Variants in USP37 observed in about 807,000 individuals in gnomAD.
USP37 encodes ubiquitin carboxyl-terminal hydrolase 37.
USP37 carries 27 observed loss-of-function variants against 124.0 expected under a neutral mutation model. The ratio of observed to expected loss-of-function variants is 0.22; its 90% CI spans 0.16 to 0.30. The LOEUF is 0.30. Among genes scored for constraint, USP37 ranks in the 10% least tolerant of loss-of-function variants. USP37 has a pLI of 1.00. For missense variants in USP37, 889 were observed against 1,140.4 expected (o/e 0.78, Z 3.17); for synonymous variants, 365 against 388.0 (o/e 0.94, Z 0.70).
At chr2:218,532,620 T>C (rs1452508119) in intron 9 of USP37, among the ~76,000 whole-genome samples, 1 of 152,082 alleles carries the variant, frequency 6.6e-6, no homozygotes. Context: ...AGCATTTTTT[T>C]GCAATAAACT....
chr2:218,464,606 C>A (rs1428957102), intron 21 of USP37, among the ~76,000 whole-genome samples: 4 of 152,162 alleles, frequency 2.6e-5, no homozygotes, highest in Non-Finnish European at 4.4e-5. Flanking sequence ...CCTACCCATT[C>A]ATTCTAGGGA....
chr2:218,509,122 A>C (rs1689841922), intron 11 of USP37, among the ~76,000 whole-genome samples: 1 of 152,220 alleles, frequency 6.6e-6, no homozygotes, highest in African/African-American at 2.4e-5. Context: ...ATTTGGAAAA[A>C]AGAGAAACCT....
At chr2:218,543,644 C>G (rs1443637236) in intron 8 of USP37, among the ~76,000 whole-genome samples, 1 of 151,380 alleles carries the variant, frequency 6.6e-6, no homozygotes, top group East Asian at 1.9e-4. Flanking sequence ...AACCCTGTCT[C>G]TACTAAAAAT....
intron 4 of USP37, among the ~76,000 whole-genome samples, chr2:218,557,453 C>T (rs973142191): frequency 1.4e-4 from 22 of 151,782 alleles, no homozygotes; most frequent in African/African-American, 4.4e-4. Flanking sequence ...CCATCACCAC[C>T]TCTATCTTAT....
intron 10 of USP37, among the ~76,000 whole-genome samples, chr2:218,511,854 G>T (rs1690019676): frequency 6.7e-6 from 1 of 149,892 alleles, no homozygotes; most frequent in African/African-American, 2.5e-5. Flanking sequence ...TTTTGTTTAA[G>T]AAATCATCTT....
intron 13 of USP37, 57 bp from the exon 14 acceptor site, chr2:218,496,007 A>G (rs1574883296): frequency 9.1e-6 from 14 of 1,530,226 alleles, no homozygotes; most frequent in Non-Finnish European, 1.1e-5. Context: ...ACAATAGCTT[A>G]CTGAGGCTGG....
chr2:218,545,484 C>T (rs1463425877), intron 8 of USP37, among the ~76,000 whole-genome samples: 3 of 152,134 alleles, frequency 2.0e-5, no homozygotes, highest in Admixed American at 6.5e-5. Context: ...AGATACCAGT[C>T]CTACCACCTA....
chr2:218,558,404 G>T (rs867969620), intron 4 of USP37, 94 bp downstream of exon 4: 1 of 1,090,990 alleles, frequency 9.2e-7, no homozygotes, highest in African/African-American at 1.6e-5. Flanking sequence ...ATTAATCTAG[G>T]AGGAGGGCTA....
intron 10 of USP37, among the ~76,000 whole-genome samples, chr2:218,515,842 A>G (rs1224560880): frequency 1.3e-5 from 2 of 152,246 alleles, no homozygotes; most frequent in Non-Finnish European, 2.9e-5. Context: ...ACAAATTTAC[A>G]AGAAAAACCA....
chr2:218,482,599 C>T (rs1182002396), intron 16 of USP37, among the ~76,000 whole-genome samples: 3 of 152,076 alleles, frequency 2.0e-5, no homozygotes, highest in African/African-American at 7.2e-5. Flanking sequence ...TTTATATAAC[C>T]ACTACTAGTA....
chr2:218,556,504 T>G (rs13018917), intron 4 of USP37, among the ~76,000 whole-genome samples: 141 of 35,540 alleles, frequency 4.0e-3, no homozygotes, highest in Non-Finnish European at 5.7e-3. Flanking sequence ...GGTTTTTCTG[T>G]TTTTTTTTTT....
chr2:218,471,452 C>T (rs1383920918), intron 20 of USP37, among the ~76,000 whole-genome samples: 2 of 152,140 alleles, frequency 1.3e-5, no homozygotes, highest in Non-Finnish European at 2.9e-5. Flanking sequence ...TCTACTTAAG[C>T]TCTCTAAGTG....
chr2:218,565,475 T>A (rs987242922), intron 1 of USP37, among the ~76,000 whole-genome samples: 8 of 152,234 alleles, frequency 5.3e-5, no homozygotes, highest in Non-Finnish European at 1.0e-4. Context: ...TCAAAGAGTT[T>A]AAAATCTGAA....
At chr2:218,543,097 T>C (rs1042133868) in intron 8 of USP37, among the ~76,000 whole-genome samples, 6 of 152,160 alleles carry the variant, frequency 3.9e-5, no homozygotes, top group Non-Finnish European at 7.3e-5. Context: ...CAGTAAAAGA[T>C]TACAATTAAG....
intron 17 of USP37, among the ~76,000 whole-genome samples, chr2:218,480,324 C>T (rs1219155862): frequency 2.2e-5 from 3 of 137,370 alleles, no homozygotes; most frequent in Non-Finnish European, 4.6e-5. Flanking sequence ...GGCGTGAAGC[C>T]GGGAGGCGCA....
In USP37 at chr2:218,463,346, T is replaced by A. The variant is rs1345325856; in HGVS notation, c.2487A>T (p.Glu829Asp). ...LQEQEAWEQK[E>D]DDDLKRATEL... ...CGGTAGCTCTTTTGAGGTCATCATCTTCTTTCTGTTCCCAAGCCTCCTAAA... is the reference window on the plus strand; with the variant it reads ...CGGTAGCTCTTTTGAGGTCATCATCATCTTTCTGTTCCCAAGCCTCCTAAA... Residue 829 changes from glutamate (E) to aspartate (D), a missense_variant, in exon 22 of 26, where the codon GAA becomes GAT. Physicochemically the swap from Glu to Asp is conservative, Grantham distance 45. Coordinates refer to ENST00000258399, the MANE Select transcript of USP37 (RefSeq NM_020935.3). 7.4e-6 allele frequency: 12 copies of A among 1,614,072 alleles called. No homozygotes were observed. The highest frequency in any genetic ancestry group is 4.4e-5 in the South Asian group (4 of 91,080).
intron 13 of USP37, among the ~76,000 whole-genome samples, chr2:218,496,290 C>T (rs1267863946): frequency 1.3e-5 from 2 of 151,146 alleles, no homozygotes; most frequent in African/African-American, 4.9e-5. Flanking sequence ...AAGATTCCGT[C>T]TCAAAAGAAA....
At chr2:218,462,878 A>G (rs1411707207) in intron 22 of USP37, among the ~76,000 whole-genome samples, 1 of 152,066 alleles carries the variant, frequency 6.6e-6, no homozygotes, top group Non-Finnish European at 1.5e-5. Flanking sequence ...GGAGGTATTC[A>G]AATTTGTTAT....
chr2:218,464,410 G>A (rs945906382), intron 21 of USP37, among the ~76,000 whole-genome samples: 1 of 152,036 alleles, frequency 6.6e-6, no homozygotes, highest in Non-Finnish European at 1.5e-5. Flanking sequence ...GTTAATTTTT[G>A]TATTTTTAGC....
Sources: gnomAD v4.1 joint callset for allele counts (sites outside exome capture counted in the v4.1 genomes callset) on GRCh38, gnomAD v4.1.1 for gene constraint, MANE v1.5 for transcripts, NCBI Gene and HGNC (gene_info 2026-07-23, HGNC 2026-07-21) for gene names.